XPC: variants seen among roughly 807,000 people sequenced by gnomAD.
XPC encodes DNA repair protein complementing XP-C cells.
Under a neutral mutation model 95.8 loss-of-function variants are expected in XPC, and 76 were observed. The ratio of observed to expected loss-of-function variants is 0.79; its 90% CI spans 0.66 to 0.96. The LOEUF (loss-of-function observed/expected upper bound fraction) is 0.96, where lower values mean the gene tolerates loss of function less well. Ranked by LOEUF, XPC falls within the 40% of genes least tolerant of loss-of-function variation. The probability of loss-of-function intolerance (pLI) is 0.00; values close to 1 mark genes in which losing one functional copy is unlikely to be tolerated. For synonymous variants in XPC, 442 were observed against 442.1 expected (o/e 1.00, Z 0.00); for missense variants, 1,146 against 1,179.8 (o/e 0.97, Z 0.42).
chr3:14,156,239 C>G (rs146212486), intron 10 of XPC, 96 bp downstream of exon 10: 1 of 1,464,034 alleles, frequency 6.8e-7, no homozygotes, highest in African/African-American at 1.4e-5. Context: ...GCTGTCCAGT[C>G]AGATGAGCTC....
In XPC at chr3:14,158,495, C is replaced by T. The variant is rs751882166; in HGVS notation, c.1388G>A (p.Gly463Asp). 1 of 1,612,094 alleles carries T rather than the reference C, an allele frequency of 6.2e-7. No individual in the cohort carries two copies. The highest frequency in any genetic ancestry group is 1.7e-5 in the Admixed American group (1 of 59,840). The change falls in exon 9 of 16, where the codon GGC becomes GAC. Residue 463 changes from glycine (G) to aspartate (D), a missense_variant. By Grantham distance (94) the Gly-to-Asp change is moderately conservative (BLOSUM62 -1). Coordinates refer to ENST00000285021, the MANE Select transcript of XPC (RefSeq NM_004628.5). This position sits in a 1 kb window ranked among gnomAD's most constrained non-coding sequence, Gnocchi z 5.2. Reference sequence around the variant, plus strand: ...GGGGGCTTTCCTCTGCTTTGGAGGGCCAGGTTCGGAATCCTCATCAGAGGG... The same window carrying T: ...GGGGGCTTTCCTCTGCTTTGGAGGGTCAGGTTCGGAATCCTCATCAGAGGG... ...SDPSDEDSEP[G>D]PPKQRKAPAP...
rs2125004559 is a variant in XPC at position 14,145,972 on chromosome 3, G to C, written c.2792C>G (p.Ala931Gly). Residue 931 changes from alanine to glycine, a missense_variant, in exon 16 of 16, where the codon GCT (alanine) becomes GGT (glycine). Coordinates refer to ENST00000285021, the MANE Select transcript of XPC (RefSeq NM_004628.5). ...KKTKREKKAA[A>G]SHLFPFEQL is the part of the protein sequence containing the mutation. ...CTGCTCAAATGGGAACAGGTGGGAA[G>C]CTGCTGCTTTCTTTTCCCTTTTGGT... 3 of 1,608,510 alleles carry C rather than the reference G, an allele frequency of 1.9e-6. No homozygotes were observed. The highest frequency in any genetic ancestry group is 1.7e-6 in the Non-Finnish European group (2 of 1,175,864).
chr3:14,167,724 C>T (rs566383245), intron 4 of XPC, among the ~76,000 whole-genome samples: 1 of 152,318 alleles, frequency 6.6e-6, no homozygotes, highest in Admixed American at 6.5e-5. Flanking sequence ...TTTGTATTAT[C>T]TCCCTCTTCT....
At chr3:14,178,013 A>C (rs1277068984) in intron 1 of XPC, among the ~76,000 whole-genome samples, 1 of 152,242 alleles carries the variant, frequency 6.6e-6, no homozygotes, top group Non-Finnish European at 1.5e-5. Context: ...GCCCATGACA[A>C]ATGTAAGAAG....
Position 14,147,911 on chromosome 3 carries a change from C to CT in XPC, c.2510dup (p.Glu838GlyfsTer33). The CT allele has an allele frequency of 6.3e-7, 1 of 1,599,214 alleles. No homozygotes were observed. The highest frequency in any genetic ancestry group is 8.5e-7 in the Non-Finnish European group (1 of 1,172,130). ...TCAGTCCTGCATATGCGCTTACCTC[C>CT]TTCTCCTTCCTTTCAATGACTGCCT... On this transcript the variant is annotated frameshift_variant, in exon 14 of 16. Coordinates refer to ENST00000285021, the MANE Select transcript of XPC (RefSeq NM_004628.5). LOFTEE classifies it high-confidence loss of function.
At chr3:14,155,893 A>G (rs2125021027) in intron 10 of XPC, among the ~76,000 whole-genome samples, 1 of 152,282 alleles carries the variant, frequency 6.6e-6, no homozygotes, top group South Asian at 2.1e-4. Flanking sequence ...GTTCAGTGGC[A>G]TTAGGTCCAT....
Position 14,159,776 on chromosome 3 carries a change from G to C in XPC, c.955C>G (p.Leu319Val). The C allele has an allele frequency of 1.3e-6, 2 of 1,563,666 alleles. No homozygotes were observed. Among genetic ancestry groups the C allele is most frequent in the Non-Finnish European group, 8.7e-7 (1 of 1,153,686 alleles). ...GCTGACTTCAGAGGAATTGGCTGTA[G>C]AGACAATACCAGCCGGGTCAAGAGC... ...LQLLTRLVLS[L>V]QPIPLKSATA... The change falls in exon 8 of 16, where the codon CTA (leucine) becomes GTA (valine). Residue 319 changes from leucine to valine, a missense_variant. Coordinates refer to ENST00000285021, the MANE Select transcript of XPC (RefSeq NM_004628.5).
Position 14,178,598 on chromosome 3 carries a change from G to A in XPC, c.-30C>T. The A allele has an allele frequency of 3.1e-6, 5 of 1,611,638 alleles. No individual in the cohort carries two copies. The highest frequency in any genetic ancestry group is 2.7e-5 in the African/African-American group (2 of 75,036). ...CTTGTCTGGGCAAATTCCACTTCGC[G>A]AGTGACGCACCCGGCCGCGATGCGC... On this transcript the variant is annotated 5_prime_UTR_variant, in exon 1 of 16. Transcript: ENST00000285021.
Position 14,159,722 on chromosome 3 carries a change from G to GGCTCCGCAA in XPC, c.990+18_990+19insTTGCGGAGC, listed in dbSNP as rs768911638. The GGCTCCGCAA allele has an allele frequency of 7.5e-5, 117 of 1,551,274 alleles. No homozygotes were observed. In the East Asian group the frequency reaches 2.7e-3, roughly 36 times the overall value. On this transcript the variant is annotated intron_variant, in intron 8 of 15. Coordinates refer to ENST00000285021, the MANE Select transcript of XPC (RefSeq NM_004628.5). The stretch of plus-strand genomic sequence containing the variant: ...TCCTGTCAATTGCTCCTCTTCTCTG[G>GGCTCCGCAA]CAGCCCTGCGCACCTCACCTTTGCT...
At chr3:14,159,959 G>A in intron 7 of XPC, 129 bp from the exon 8 acceptor site, 1 of 838,816 alleles carries the variant, frequency 1.2e-6, no homozygotes, top group Non-Finnish European at 1.8e-6. Flanking sequence ...TCTAACAGTA[G>A]GCGACGGAAA....
chr3:14,165,517 A>G lies in XPC; in HGVS notation c.690T>C (p.His230=). The change falls in exon 6 of 16, where the codon CAT becomes CAC. Residue 230 remains histidine (H), a synonymous_variant. Transcript: ENST00000285021. ...CTGGGATGATGGACAGGCCAATAGC[A>G]TGCAGATCTGGCTGGCTGCAGATGT... ...RNNICSQPDL[H]AIGLSIIPAR... 1 of 1,611,600 alleles carries G rather than the reference A, an allele frequency of 6.2e-7. No homozygotes were observed. The highest frequency in any genetic ancestry group is 8.5e-7 in the Non-Finnish European group (1 of 1,178,892).
intron 7 of XPC, among the ~76,000 whole-genome samples, chr3:14,162,075 C>T (rs1180469332): frequency 6.6e-6 from 1 of 151,856 alleles, no homozygotes; most frequent in Non-Finnish European, 1.5e-5. Flanking sequence ...GAATAAAGTA[C>T]CTAGGAAAAA....
chr3:14,167,312 C>A, intron 4 of XPC, 59 bp from the exon 5 acceptor site: 4 of 1,427,900 alleles, frequency 2.8e-6, no homozygotes, highest in Non-Finnish European at 3.9e-6. Context: ...AGACTCCACT[C>A]CCCCAGGCAA....
rs772246806 is a variant in XPC, at chr3:14,148,019, G to A, written c.2421-18C>T. The A allele has an allele frequency of 5.8e-6, 9 of 1,555,944 alleles. No individual in the cohort carries two copies. Among genetic ancestry groups the A allele is most frequent in the East Asian group, 4.7e-5 (2 of 42,570 alleles). Reference sequence around the variant, plus strand: ...CATCAGTCCTGTGGGGACACAACGCGATGTCAACCCTCGAACCTGCTGCCT... The same window carrying A: ...CATCAGTCCTGTGGGGACACAACGCAATGTCAACCCTCGAACCTGCTGCCT... On this transcript the variant is annotated intron_variant, in intron 13 of 15. Coordinates refer to ENST00000285021, the MANE Select transcript of XPC (RefSeq NM_004628.5).
At chr3:14,167,787 G>A (rs1696442648) in intron 4 of XPC, among the ~76,000 whole-genome samples, 1 of 152,192 alleles carries the variant, frequency 6.6e-6, no homozygotes. Flanking sequence ...ATCAGAGGCT[G>A]CAGAGGTACT....
intron 3 of XPC, among the ~76,000 whole-genome samples, chr3:14,168,723 A>C (rs1233103619): frequency 6.6e-6 from 1 of 152,204 alleles, no homozygotes; most frequent in African/African-American, 2.4e-5. Context: ...CTTTAAAAAA[A>C]AAAAACCCAA....
Position 14,168,343 on chromosome 3 carries a change from A to G in XPC, c.450T>C (p.Ser150=). ...GCAGAAGAGATCGAGAGAAGGCTGT[A>G]CTTTCTCTCACGTCACCCAGCACAG... ...SEPVLGDVRE[S]TAFSRSLLPV... The change falls in exon 4 of 16, where the codon AGT becomes AGC. Residue 150 remains serine, a synonymous_variant. Coordinates refer to ENST00000285021, the MANE Select transcript of XPC (RefSeq NM_004628.5). 6.2e-7 allele frequency: 1 copy of G among 1,613,914 alleles called. No homozygotes were observed. The highest frequency in any genetic ancestry group is 8.5e-7 in the Non-Finnish European group (1 of 1,179,842).
intron 5 of XPC, 122 bp from the exon 6 acceptor site, chr3:14,165,707 A>C: frequency 8.1e-7 from 1 of 1,238,780 alleles, no homozygotes; most frequent in Non-Finnish European, 1.1e-6. Context: ...TCTACATATA[A>C]GAAAGTAAAA....
At chr3:14,146,225 T>G in intron 15 of XPC, 66 bp from the exon 16 acceptor site, 1 of 1,455,934 alleles carries the variant, frequency 6.9e-7, no homozygotes, top group African/African-American at 1.4e-5. Context: ...GGAAGCCCCA[T>G]GAAGAGGCAG....
Sources: gnomAD v4.1 joint callset for allele counts (sites outside exome capture counted in the v4.1 genomes callset) on GRCh38, gnomAD v4.1.1 for gene constraint, Gnocchi (gnomAD v3.1) non-coding constraint, MANE v1.5 for transcripts, NCBI Gene and HGNC (gene_info 2026-07-23, HGNC 2026-07-21) for gene names.